ADD1: variants seen among roughly 807,000 people sequenced by gnomAD.
The protein encoded by ADD1 is alpha-adducin.
A neutral mutation model predicts 80.5 loss-of-function variants in ADD1; 24 were observed. The observed-to-expected ratio is 0.30, with a 90% CI of 0.22 to 0.42. The LOEUF (loss-of-function observed/expected upper bound fraction) is 0.42, where lower values mean the gene tolerates loss of function less well. Among genes scored for constraint, ADD1 ranks in the 10% least tolerant of loss-of-function variants. The pLI is 1.00. For synonymous variants in ADD1, 373 were observed against 393.8 expected (o/e 0.95, Z 0.63); for missense variants, 948 against 1,019.0 (o/e 0.93, Z 0.95).
chr4:2,880,230 G>C lies in ADD1; in HGVS notation c.196-1668G>C, dbSNP rs185512382. On this transcript the variant is annotated intron_variant, in intron 2 of 15. Coordinates refer to ENST00000683351, the MANE Select transcript of ADD1 (RefSeq NM_001354761.2). ...TTGGTAAATAGGGGGTCCTCAGAGG[G>C]CTCTTGACAGACATTCTATTCTACC... is the stretch of plus-strand genomic sequence containing the variant. Among the ~76,000 whole-genome samples the C allele has an allele frequency of 1.1e-3, 173 of 152,162 alleles. 1 individual carries two copies. The highest frequency in any genetic ancestry group is 3.7e-3 in the Admixed American group (56 of 15,280).
chr4:2,887,967 G>A (rs1733662624), intron 4 of ADD1, among the ~76,000 whole-genome samples: 2 of 152,174 alleles, frequency 1.3e-5, no homozygotes, highest in South Asian at 2.1e-4. Flanking sequence ...TAAAATTAAA[G>A]TATGTATTAA....
chr4:2,909,178 G>A, intron 12 of ADD1, 161 bp from the exon 13 acceptor site: 1 of 638,952 alleles, frequency 1.6e-6, no homozygotes, highest in Non-Finnish European at 2.8e-6. Context: ...CGTGGTCCTG[G>A]TTTCGTGTTC....
Position 2,909,443 on chromosome 4 carries a change from C to T in ADD1, c.1791+12C>T, listed in dbSNP as rs1399658710. 6.5e-7 allele frequency: 1 copy of T among 1,540,046 alleles called. No individual in the cohort carries two copies. The highest frequency in any genetic ancestry group is 1.2e-5 in the South Asian group (1 of 83,866). The stretch of plus-strand genomic sequence containing the variant: ...TCTCTTTTAGAAAGGTACTCACTGC[C>T]CTGTCCTCACTACCTGTCTATGCGC... On this transcript the variant is annotated intron_variant, in intron 13 of 15. Coordinates refer to ENST00000683351, the MANE Select transcript of ADD1 (RefSeq NM_001354761.2).
At chr4:2,877,041 G>A (rs1208535500) in intron 2 of ADD1, among the ~76,000 whole-genome samples, 2 of 151,506 alleles carry the variant, frequency 1.3e-5, no homozygotes, top group African/African-American at 2.4e-5. Flanking sequence ...TCTCCTGGGT[G>A]TATGGTCAGC....
Position 2,928,296 on chromosome 4 carries a change from G to A in ADD1, c.2173G>A (p.Glu725Lys), listed in dbSNP as rs1712273667. ...CTTCCCAATGTTAGAGAAGGAGGAG[G>A]AAGCCCATAGACCCCCAAGCCCCAC... ...LGFPMLEKEE[E>K]AHRPPSPTEA... The change falls in exon 16 of 16, where the codon GAA (glutamate) becomes AAA (lysine). Residue 725 changes from glutamate to lysine, a missense_variant. Transcript: ENST00000683351. 32 of 1,614,038 alleles carry A rather than the reference G, an allele frequency of 2.0e-5. No individual in the cohort carries two copies. The highest frequency in any genetic ancestry group is 1.6e-4 in the Middle Eastern group (1 of 6,062).
At chr4:2,848,356 T>C (rs1726564821) in intron 1 of ADD1, among the ~76,000 whole-genome samples, 1 of 152,232 alleles carries the variant, frequency 6.6e-6, no homozygotes, top group Non-Finnish European at 1.5e-5. Context: ...TAATACAGTT[T>C]GCCTTTTGAG....
intron 1 of ADD1, among the ~76,000 whole-genome samples, chr4:2,850,024 C>G (rs1304130677): frequency 6.6e-6 from 1 of 152,220 alleles, no homozygotes; most frequent in Non-Finnish European, 1.5e-5. Context: ...ATGTTCAGAG[C>G]AGCATTATGT....
At chr4:2,905,235 T>C in intron 10 of ADD1, 127 bp downstream of exon 10, 1 of 835,444 alleles carries the variant, frequency 1.2e-6, no homozygotes, top group Non-Finnish European at 1.9e-6. Context: ...ATTCACTTTC[T>C]TGTAGTCTGA....
chr4:2,872,928 T>C (rs1014439111), intron 1 of ADD1, among the ~76,000 whole-genome samples: 2 of 152,134 alleles, frequency 1.3e-5, no homozygotes. Context: ...ATGAAAAATG[T>C]TCCAGAAGTT....
chr4:2,845,683 G>A (rs1453236815), intron 1 of ADD1, among the ~76,000 whole-genome samples: 4 of 152,022 alleles, frequency 2.6e-5, no homozygotes, highest in East Asian at 1.9e-4. Flanking sequence ...TTCTTTTGAT[G>A]TTATCTGATA....
chr4:2,858,743 T>G (rs1728431191), intron 1 of ADD1, among the ~76,000 whole-genome samples: 2 of 152,186 alleles, frequency 1.3e-5, no homozygotes, highest in South Asian at 2.1e-4. Context: ...TTCTAGCAGT[T>G]TGGGAAGCTG....
chr4:2,891,256 C>T (rs986121233), intron 4 of ADD1, among the ~76,000 whole-genome samples: 1 of 152,006 alleles, frequency 6.6e-6, no homozygotes, highest in Non-Finnish European at 1.5e-5. Context: ...AGTTTGAGAC[C>T]AGCCTGGCTG....
At position 2,909,488 on chromosome 4, in the gene ADD1, C is replaced by G; in HGVS notation, c.1791+57C>G. 5 of 1,100,638 alleles carry G rather than the reference C, an allele frequency of 4.5e-6. No homozygotes were observed. The South Asian group carries it at 5.3e-5, about 12-fold the overall frequency. The allele number at this position is 1,100,638 out of a possible 1,614,324, so 68.2% of individuals were successfully genotyped here. A position where few individuals can be genotyped will look rare whatever the true frequency, so the allele number is the denominator to read the frequency against. On this transcript the variant is annotated intron_variant, in intron 13 of 15. Transcript: ENST00000683351. ...ATGCGCCTTGCTCCCCTCCCCTCCC[C>G]CCTCCCCGTCTCCTCTCTTCAGGCA... is the stretch of plus-strand genomic sequence containing the variant.
In ADD1 at chr4:2,926,771, T is replaced by C; in HGVS notation, c.2047+659T>C. The C allele has an allele frequency of 7.1e-7, 1 of 1,409,270 alleles. No homozygotes were observed. The highest frequency in any genetic ancestry group is 9.7e-7 in the Non-Finnish European group (1 of 1,026,398). The allele number at this position is 1,409,270 out of a possible 1,614,324, so 87.3% of individuals were successfully genotyped here. On this transcript the variant is annotated intron_variant, in intron 15 of 15. Coordinates refer to ENST00000683351, the MANE Select transcript of ADD1 (RefSeq NM_001354761.2). This position sits in a 1 kb window ranked among gnomAD's most constrained non-coding sequence, Gnocchi z 5.0. ...TTTATTAAGTTTTGTTTTCTGTTTA[T>C]TTAAAATAAAAACAGAAGCCCCCCT...
intron 1 of ADD1, among the ~76,000 whole-genome samples, chr4:2,860,779 CTGT>C (rs1728722285): frequency 6.6e-6 from 1 of 152,168 alleles, no homozygotes; most frequent in African/African-American, 2.4e-5. Context: ...ATGCATTAAC[CTGT>C]TGTTAAACTC....
At chr4:2,876,189 A>G in intron 2 of ADD1, 79 bp downstream of exon 2, 1 of 1,363,252 alleles carries the variant, frequency 7.3e-7, no homozygotes, top group Non-Finnish European at 1.0e-6. Flanking sequence ...CTGTTGTATG[A>G]GTGGCATAGT....
At chr4:2,909,116 A>G (rs935110026) in intron 12 of ADD1, 7 of 570,200 alleles carry the variant, frequency 1.2e-5, no homozygotes, top group Non-Finnish European at 1.9e-5. Flanking sequence ...ATGCCACCTA[A>G]TGCTTTAACA....
intron 4 of ADD1, among the ~76,000 whole-genome samples, chr4:2,885,705 G>T (rs1231844921): frequency 1.3e-5 from 2 of 151,962 alleles, no homozygotes; most frequent in Admixed American, 1.3e-4. Flanking sequence ...CGCCTCCCGG[G>T]TTCACGCCAT....
intron 4 of ADD1, among the ~76,000 whole-genome samples, chr4:2,892,531 A>C (rs1011202706): frequency 3.9e-5 from 6 of 152,110 alleles, no homozygotes; most frequent in Non-Finnish European, 7.3e-5. Flanking sequence ...TGTTGTAGAG[A>C]CTTAAGAAAT....
Sources: gnomAD v4.1 joint callset for allele counts (sites outside exome capture counted in the v4.1 genomes callset) on GRCh38, gnomAD v4.1.1 for gene constraint, Gnocchi (gnomAD v3.1) non-coding constraint, MANE v1.5 for transcripts, NCBI Gene and HGNC (gene_info 2026-07-23, HGNC 2026-07-21) for gene names.